The following EIF4G2 variants were observed in gnomAD, a reference collection of about 807,000 sequenced individuals.
EIF4G2 encodes eukaryotic translation initiation factor 4 gamma 2.
Under a neutral mutation model 117.7 loss-of-function variants are expected in EIF4G2, and 8 were observed. That is an observed-to-expected ratio of 0.07 (90% CI 0.04 to 0.12). The LOEUF (loss-of-function observed/expected upper bound fraction) is 0.12. EIF4G2 is among the 10% of genes least tolerant of loss of function. The pLI, the probability that EIF4G2 is intolerant of heterozygous loss-of-function variation, is 1.00. For synonymous variants in EIF4G2, 413 were observed against 367.8 expected, an observed-to-expected ratio of 1.12 and a Z score of -1.41; for missense variants, 812 against 1,086.2, an observed-to-expected ratio of 0.75 and a Z score of 3.55.
At chr11:10,800,866 A>G (rs777338082) in intron 15 of EIF4G2, 31 bp from the exon 16 acceptor site, 35 of 1,612,058 alleles carry the variant, frequency 2.2e-5, no homozygotes, top group Non-Finnish European at 3.0e-5. Context: ...GACTTTTTTT[A>G]AAAAGAGGAC....
chr11:10,800,394 G>GT (rs1847383657), intron 17 of EIF4G2, 38 bp downstream of exon 17: 1 of 1,612,924 alleles, frequency 6.2e-7, no homozygotes, highest in Non-Finnish European at 8.5e-7. Context: ...AATTTGAGTG[G>GT]TAAGAGTTCT....
At chr11:10,808,358 C>G in intron 1 of EIF4G2, 2 of 1,206,602 alleles carry the variant, frequency 1.7e-6, no homozygotes, top group South Asian at 1.4e-5. Context: ...TGCCGGCCCG[C>G]GTGCCTCCCG....
rs1847664246 is a variant in EIF4G2 at position 10,808,557 on chromosome 11, G to C, written c.-87+148C>G. On this transcript the variant is annotated intron_variant, in intron 1 of 21. Transcript: ENST00000339995. The stretch of plus-strand genomic sequence containing the variant: ...GAGAACAAAAGCCAAGACTTTCCAG[G>C]TATCTGAAGCGCAGAGGAAATGCTA... The C allele has an allele frequency of 6.4e-6, 7 of 1,098,974 alleles. No individual in the cohort carries two copies. The South Asian group carries it at 1.1e-4, about 18-fold the overall frequency. 68.1% of individuals were successfully genotyped at this position (1,098,974 alleles called of 1,614,324 possible).
rs769326443 is a variant in EIF4G2 at position 10,807,328 on chromosome 11, GAAT to G, written c.-36_-34del. 10 of 1,387,756 alleles carry G rather than the reference GAAT, an allele frequency of 7.2e-6. No individual in the cohort carries two copies. The highest frequency in any genetic ancestry group is 8.8e-6 in the Non-Finnish European group (9 of 1,019,822). The allele number at this position is 1,387,756 out of a possible 1,614,324, so 86.0% of individuals were successfully genotyped here. A position where few individuals can be genotyped will look rare whatever the true frequency, so the allele number is the denominator to read the frequency against. ...GCTTGACAACGAAGAATCTTCAAAA[GAAT>G]AATATTAATAGATGGGGTGGGGAGG... is the stretch of plus-strand genomic sequence containing the variant. On this transcript the variant is annotated 5_prime_UTR_variant, in exon 2 of 22. Coordinates refer to ENST00000339995, the MANE Select transcript of EIF4G2 (RefSeq NM_001418.4).
In EIF4G2 at chr11:10,804,913, C is replaced by T; in HGVS notation, c.351G>A (p.Leu117=). Reference sequence around the variant, plus strand: ...AGTTAAGCCAATATTTAAAACTTACCAGCAGTATGACCCCTTTAAGGATGA... The same window carrying T: ...AGTTAAGCCAATATTTAAAACTTACTAGCAGTATGACCCCTTTAAGGATGA... Residue 117 remains leucine (L), a splice_region_variant and synonymous_variant, in exon 5 of 22, where the codon CTG becomes CTA. Coordinates refer to ENST00000339995, the MANE Select transcript of EIF4G2 (RefSeq NM_001418.4). 1 of 1,612,138 alleles carries T rather than the reference C, an allele frequency of 6.2e-7. No homozygotes were observed. The highest frequency in any genetic ancestry group is 8.5e-7 in the Non-Finnish European group (1 of 1,178,374).
In EIF4G2 at chr11:10,803,882, T is replaced by A. The variant is rs765412969; in HGVS notation, c.702+17A>T. The A allele has an allele frequency of 6.0e-5, 96 of 1,600,948 alleles. No homozygotes were observed. Among genetic ancestry groups the A allele is most frequent in the Non-Finnish European group, 7.9e-5 (92 of 1,171,046 alleles). On this transcript the variant is annotated intron_variant, in intron 8 of 21. Coordinates refer to ENST00000339995, the MANE Select transcript of EIF4G2 (RefSeq NM_001418.4). The surrounding 1 kb of genome is among the most constrained non-coding windows in gnomAD (Gnocchi z 4.0). Reference sequence around the variant, plus strand: ...AAACGACTGACTACATTCGCCTAACTTCCCTGTCACACTTACTGTTTTGAT... The same window carrying A: ...AAACGACTGACTACATTCGCCTAACATCCCTGTCACACTTACTGTTTTGAT...
chr11:10,807,151 T>C, intron 2 of EIF4G2, 104 bp downstream of exon 2: 1 of 1,491,494 alleles, frequency 6.7e-7, no homozygotes, highest in Non-Finnish European at 9.0e-7. Flanking sequence ...TAAGAACTTT[T>C]CAAATGAAAA....
rs777251745 is a variant in EIF4G2 at position 10,800,743 on chromosome 11, G to C, written c.1632C>G (p.Leu544=). The change falls in exon 16 of 22, where the codon CTC becomes CTG. Residue 544 remains leucine, a synonymous_variant. Transcript: ENST00000339995. ...ATTTGAAACTTACAGTTAGTTTAAGGAGTTCTTCCTTTGACGGTGGTGGCT... is the reference window on the plus strand; with the variant it reads ...ATTTGAAACTTACAGTTAGTTTAAGCAGTTCTTCCTTTGACGGTGGTGGCT... 1.9e-6 allele frequency: 3 copies of C among 1,614,156 alleles called. No homozygotes were observed. In the South Asian group the frequency reaches 3.3e-5, roughly 18 times the overall value.
chr11:10,801,179 A>G, intron 14 of EIF4G2, 92 bp from the exon 15 acceptor site: 2 of 1,519,850 alleles, frequency 1.3e-6, no homozygotes, highest in Non-Finnish European at 1.8e-6. Context: ...CAGTGACAGA[A>G]TCTAGGGAAA....
intron 4 of EIF4G2, among the ~76,000 whole-genome samples, chr11:10,805,287 C>A (rs1334242220): frequency 1.3e-5 from 2 of 152,164 alleles, no homozygotes; most frequent in East Asian, 3.8e-4. Flanking sequence ...ATTATCAAGG[C>A]TAGACCATGA....
In EIF4G2 at chr11:10,803,555, A is replaced by G. The variant is rs745323431; in HGVS notation, c.738T>C (p.Asp246=). ...AGAGGCACTCCAAATCCTCTCCCAT[A>G]TCTTTGAGTTGGACTCTCTTCTTCT... The change falls in exon 9 of 22, where the codon GAT becomes GAC. Residue 246 remains aspartate, a synonymous_variant. Coordinates refer to ENST00000339995, the MANE Select transcript of EIF4G2 (RefSeq NM_001418.4). The surrounding 1 kb of genome is among the most constrained non-coding windows in gnomAD (Gnocchi z 4.0). The G allele has an allele frequency of 8.7e-6, 14 of 1,613,924 alleles. 1 individual carries two copies. The South Asian group carries it at 1.4e-4, about 16-fold the overall frequency.
At chr11:10,808,290 G>A (rs1847652942) in intron 1 of EIF4G2, 3 of 1,216,784 alleles carry the variant, frequency 2.5e-6, no homozygotes, top group African/African-American at 1.7e-5. Context: ...CCCGCCGGGA[G>A]GCCAGGCTCC....
chr11:10,805,028 G>C lies in EIF4G2; in HGVS notation c.249-13C>G. 2.5e-6 allele frequency: 4 copies of C among 1,595,550 alleles called. No homozygotes were observed. The highest frequency in any genetic ancestry group is 2.6e-6 in the Non-Finnish European group (3 of 1,163,246). ...CTTATTTAGTATGCTGGAGAAAAAGGAATTACATTTTAAGTGTTAGCTAAT... is the reference window on the plus strand; with the variant it reads ...CTTATTTAGTATGCTGGAGAAAAAGCAATTACATTTTAAGTGTTAGCTAAT... On this transcript the variant is annotated splice_polypyrimidine_tract_variant and intron_variant, in intron 4 of 21. Transcript: ENST00000339995.
intron 1 of EIF4G2, chr11:10,807,671 G>T: frequency 9.8e-7 from 1 of 1,017,862 alleles, no homozygotes. Flanking sequence ...TGAGCACTGA[G>T]ATCAATAGAA....
Position 10,800,977 on chromosome 11 carries a change from T to C in EIF4G2, c.1524A>G (p.Thr508=), listed in dbSNP as rs1404277979. ...TGGTCTGTACCTGTCCCAGAGGTGG[T>C]GTTTGAGTGCGTGGTGGTTGTGCAC... is the stretch of plus-strand genomic sequence containing the variant. Residue 508 remains threonine, a synonymous_variant, in exon 15 of 22, where the codon ACA becomes ACG. Transcript: ENST00000339995. 1 of 1,614,158 alleles carries C rather than the reference T, an allele frequency of 6.2e-7. No homozygotes were observed. Among genetic ancestry groups the C allele is most frequent in the Non-Finnish European group, 8.5e-7 (1 of 1,180,000 alleles).
At chr11:10,799,830 C>T in intron 18 of EIF4G2, 74 bp from the exon 19 acceptor site, 1 of 1,497,528 alleles carries the variant, frequency 6.7e-7, no homozygotes, top group South Asian at 1.3e-5. Context: ...AGCAGAGCTT[C>T]ACAAATGATG....
Position 10,807,359 on chromosome 11 carries a change from A to C in EIF4G2, c.-64T>G. 8 of 996,224 alleles carry C rather than the reference A, an allele frequency of 8.0e-6. No homozygotes were observed. The highest frequency in any genetic ancestry group is 1.2e-5 in the Non-Finnish European group (8 of 670,594). 61.7% of individuals were successfully genotyped at this position (996,224 alleles called of 1,614,324 possible). On this transcript the variant is annotated 5_prime_UTR_variant, in exon 2 of 22. Transcript: ENST00000339995. ...TATTAATAGATGGGGTGGGGAGGGGAGGGGACAGGAGAAATGAAATACCTG... is the reference window on the plus strand; with the variant it reads ...TATTAATAGATGGGGTGGGGAGGGGCGGGGACAGGAGAAATGAAATACCTG...
intron 21 of EIF4G2, among the ~76,000 whole-genome samples, chr11:10,798,472 A>T (rs1847324822): frequency 1.3e-5 from 2 of 152,118 alleles, no homozygotes; most frequent in African/African-American, 4.8e-5. Context: ...AGCTCACTGC[A>T]ACCTCTGCCT....
intron 18 of EIF4G2, 145 bp from the exon 19 acceptor site, chr11:10,799,901 C>A: frequency 8.5e-7 from 1 of 1,181,592 alleles, no homozygotes; most frequent in Non-Finnish European, 1.2e-6. Context: ...ATGAAAAAAA[C>A]TCAACATACG....
Sources: gnomAD v4.1 joint callset for allele counts (sites outside exome capture counted in the v4.1 genomes callset) on GRCh38, gnomAD v4.1.1 for gene constraint, Gnocchi (gnomAD v3.1) non-coding constraint, MANE v1.5 for transcripts, NCBI Gene and HGNC (gene_info 2026-07-23, HGNC 2026-07-21) for gene names.